Variants in PLXNB2 observed in about 807,000 individuals in gnomAD.
PLXNB2 encodes the protein plexin B2, also known as plexin-B2.
In PLXNB2, 85 loss-of-function variants were observed where a neutral mutation model predicts 202.6. That is an observed-to-expected ratio of 0.42 (90% CI 0.35 to 0.50). The LOEUF (loss-of-function observed/expected upper bound fraction) is 0.50, where lower values mean the gene tolerates loss of function less well. Among genes scored for constraint, PLXNB2 ranks in the 20% least tolerant of loss-of-function variants. The pLI is 0.02. For missense variants in PLXNB2, 2,063 were observed against 2,586.2 expected, an observed-to-expected ratio of 0.80 and a Z score of 4.39; for synonymous variants, 1,239 against 1,137.6, an observed-to-expected ratio of 1.09 and a Z score of -1.79.
In PLXNB2 at chr22:50,275,626, G is replaced by A. The variant is rs995469123; in HGVS notation, c.*78C>T. On this transcript the variant is annotated 3_prime_UTR_variant, in exon 37 of 37. Coordinates refer to ENST00000359337, the MANE Select transcript of PLXNB2 (RefSeq NM_012401.4). ...GGGGAGGGTGGGGGCCTCAGCCACA[G>A]CCACTCGGCCTCCTCCCCTGAGGGG... 2 of 1,041,142 alleles carry A rather than the reference G, an allele frequency of 1.9e-6. No individual in the cohort carries two copies. Among genetic ancestry groups the A allele is most frequent in the Admixed American group, 2.3e-5 (1 of 43,500 alleles). The allele number at this position is 1,041,142 out of a possible 1,614,324, so 64.5% of individuals were successfully genotyped here. A position where few individuals can be genotyped will look rare whatever the true frequency, so the allele number is the denominator to read the frequency against.
chr22:50,289,497 G>A lies in PLXNB2; in HGVS notation c.1068+20C>T. ...GACGCCTGCAGTCCGGGCCCTGCGAGAACACACTGAGGCCCATACCGGCGC... is the reference window on the plus strand; with the variant it reads ...GACGCCTGCAGTCCGGGCCCTGCGAAAACACACTGAGGCCCATACCGGCGC... On this transcript the variant is annotated intron_variant, in intron 3 of 36. Coordinates refer to ENST00000359337, the MANE Select transcript of PLXNB2 (RefSeq NM_012401.4). This position sits in a 1 kb window ranked among gnomAD's most constrained non-coding sequence, Gnocchi z 8.0. 6 of 1,589,116 alleles carry A rather than the reference G, an allele frequency of 3.8e-6. No homozygotes were observed. The highest frequency in any genetic ancestry group is 4.3e-6 in the Non-Finnish European group (5 of 1,166,496).
At chr22:50,306,445 T>C (rs950548475) in intron 1 of PLXNB2, among the ~76,000 whole-genome samples, 2 of 152,248 alleles carry the variant, frequency 1.3e-5, no homozygotes, top group Non-Finnish European at 2.9e-5. Context: ...GCTGTTCAGC[T>C]GTTCCGTGCC....
chr22:50,279,271 G>A lies in PLXNB2; in HGVS notation c.4390-260C>T, dbSNP rs568027669. On this transcript the variant is annotated intron_variant, in intron 27 of 36. Transcript: ENST00000359337. ...CAGGCTGTCACGCAAGCTCATGGAA[G>A]CACATGTACAGACACAGAATACACA... Among the ~76,000 whole-genome samples the A allele has an allele frequency of 8.5e-5, 13 of 152,376 alleles. No individual in the cohort carries two copies. The East Asian group carries it at 2.5e-3, about 29-fold the overall frequency.
At chr22:50,296,439 C>T (rs1436400001) in intron 1 of PLXNB2, among the ~76,000 whole-genome samples, 1 of 147,300 alleles carries the variant, frequency 6.8e-6, no homozygotes, top group Non-Finnish European at 1.5e-5. Context: ...TTACATATTG[C>T]TTGTCTAAAT....
rs757104190 is a variant in PLXNB2 at position 50,275,135 on chromosome 22, T to C, written c.*569A>G. On this transcript the variant is annotated 3_prime_UTR_variant, in exon 37 of 37. Coordinates refer to ENST00000359337, the MANE Select transcript of PLXNB2 (RefSeq NM_012401.4). ...ACCCCAGGATGTCTGGGCCCCGACG[T>C]AGGACTTGACCTACGTCTCACTTGA... is the stretch of plus-strand genomic sequence containing the variant. The C allele has an allele frequency of 2.2e-5, 6 of 275,642 alleles. No homozygotes were observed. The highest frequency in any genetic ancestry group is 4.9e-5 in the Admixed American group (1 of 20,350). 17.1% of individuals were successfully genotyped at this position (275,642 alleles called of 1,614,324 possible). A position where few individuals can be genotyped will look rare whatever the true frequency, so the allele number is the denominator to read the frequency against.
At position 50,305,433 on chromosome 22, in the gene PLXNB2, AG is replaced by A. The variant is rs550346618; in HGVS notation, c.-74+2119del. 1.3e-4 allele frequency among the ~76,000 whole-genome samples: 20 copies of A among 152,316 alleles called. No homozygotes were observed. The South Asian group carries it at 4.1e-3, about 32-fold the overall frequency. ...ACAGCATGGACCCAGAGCGCCAGGT[AG>A]CCACAGCCCTGGCCACACAGCATCG... On this transcript the variant is annotated intron_variant, in intron 1 of 36. Coordinates refer to ENST00000359337, the MANE Select transcript of PLXNB2 (RefSeq NM_012401.4).
chr22:50,283,728 A>T lies in PLXNB2; in HGVS notation c.2444T>A (p.Leu815Gln). 1.2e-6 allele frequency: 2 copies of T among 1,611,962 alleles called. No individual in the cohort carries two copies. The highest frequency in any genetic ancestry group is 1.7e-6 in the Non-Finnish European group (2 of 1,179,218). The change falls in exon 15 of 37, where the codon CTG (leucine) becomes CAG (glutamine). Residue 815 changes from leucine to glutamine, a missense_variant. By Grantham distance (113) the Leu-to-Gln change is moderately radical. Transcript: ENST00000359337. ...ITRIQPETGP[L>Q]GGGIRITILG... ...GATGGTGATGCGGATGCCCCCACCC[A>T]GGGGGCCCGTCTCAGGCTGGATCTG...
intron 1 of PLXNB2, among the ~76,000 whole-genome samples, chr22:50,296,299 C>T (rs1402721327): frequency 6.9e-6 from 1 of 144,548 alleles, no homozygotes; most frequent in East Asian, 1.9e-4. Flanking sequence ...CCTGAAGTCC[C>T]GGGTACTGAG....
At position 50,287,657 on chromosome 22, in the gene PLXNB2, C is replaced by A; in HGVS notation, c.1608+10G>T. The A allele has an allele frequency of 6.5e-7, 1 of 1,537,372 alleles. No homozygotes were observed. Among genetic ancestry groups the A allele is most frequent in the Non-Finnish European group, 8.7e-7 (1 of 1,146,110 alleles). On this transcript the variant is annotated intron_variant, in intron 7 of 36. Coordinates refer to ENST00000359337, the MANE Select transcript of PLXNB2 (RefSeq NM_012401.4). ...GGGCCCAGGACCCCCACCCCAGACC[C>A]ACCACGCACCTCCCCCTGGGCCCGC... is the stretch of plus-strand genomic sequence containing the variant.
At chr22:50,286,705 C>G (rs919194388) in intron 8 of PLXNB2, among the ~76,000 whole-genome samples, 2 of 152,190 alleles carry the variant, frequency 1.3e-5, no homozygotes, top group Non-Finnish European at 2.9e-5. Flanking sequence ...GGGACATGGG[C>G]GCGACGCCTG....
Position 50,290,197 on chromosome 22 carries a change from G to T in PLXNB2, c.388C>A (p.Leu130Ile). 6.2e-7 allele frequency: 1 copy of T among 1,612,592 alleles called. No homozygotes were observed. Among genetic ancestry groups the T allele is most frequent in the South Asian group, 1.1e-5 (1 of 91,086 alleles). The change falls in exon 3 of 37, where the codon CTC becomes ATC. Residue 130 changes from leucine to isoleucine, a missense_variant. Transcript: ENST00000359337. The part of the protein sequence containing the change: ...CALRALSNIS[L>I]RLFYEDGSGE... Reference sequence around the variant, plus strand: ...CTGCCGTCCTCGTAGAACAGGCGGAGGGAGATGTTGCTCAGGGCGCGCAGA... The same window carrying T: ...CTGCCGTCCTCGTAGAACAGGCGGATGGAGATGTTGCTCAGGGCGCGCAGA...
Position 50,282,824 on chromosome 22 carries a change from C to T in PLXNB2, c.2874G>A (p.Gln958=). The change falls in exon 18 of 37, where the codon CAG becomes CAA. Residue 958 remains glutamine (Q), a synonymous_variant. Transcript: ENST00000359337. ...CCCCGTAGGAGACCTCCAGAAGCATCTGGCCCCGTGTCGCCTGGGGGCCAG... is the reference window on the plus strand; with the variant it reads ...CCCCGTAGGAGACCTCCAGAAGCATTTGGCCCCGTGTCGCCTGGGGGCCAG... ...CVTGPQATRG[Q]MLLEVSYGGS... is the part of the protein sequence containing the mutation. The T allele has an allele frequency of 5.0e-6, 8 of 1,613,150 alleles. No homozygotes were observed. Among genetic ancestry groups the T allele is most frequent in the Non-Finnish European group, 6.8e-6 (8 of 1,179,776 alleles).
rs759088659 is a variant in PLXNB2 at position 50,283,121 on chromosome 22, G to A, written c.2745C>T (p.Ile915=). The change falls in exon 17 of 37, where the codon ATC becomes ATT. Residue 915 remains isoleucine (I), a synonymous_variant. Transcript: ENST00000359337. The part of the protein sequence containing the change: ...GPQAGGTTLT[I]HGTHLDTGSQ... The stretch of plus-strand genomic sequence containing the variant: ...AGCCCGTGTCCAGGTGGGTGCCGTG[G>A]ATGGTCAGTGTGGTGCCGCCCGCCT... 9.4e-6 allele frequency: 15 copies of A among 1,602,192 alleles called. No homozygotes were observed. The highest frequency in any genetic ancestry group is 1.3e-5 in the Non-Finnish European group (15 of 1,175,508).
intron 1 of PLXNB2, among the ~76,000 whole-genome samples, chr22:50,306,008 C>T (rs913547698): frequency 2.6e-5 from 4 of 152,232 alleles, no homozygotes; most frequent in African/African-American, 9.6e-5. Flanking sequence ...CGGACTTGCC[C>T]GTCCTCCTCC....
intron 1 of PLXNB2, among the ~76,000 whole-genome samples, chr22:50,298,835 G>A (rs112047368): frequency 0.017 from 2,559 of 152,338 alleles, 74 homozygotes; most frequent in African/African-American, 0.058. Flanking sequence ...CAGTAGAGAT[G>A]GGGCTTCACC....
At chr22:50,304,559 T>C (rs1236702140) in intron 1 of PLXNB2, among the ~76,000 whole-genome samples, 1 of 151,988 alleles carries the variant, frequency 6.6e-6, no homozygotes, top group Non-Finnish European at 1.5e-5. Context: ...TGTCAAGGGA[T>C]GTGAAACCAC....
At position 50,275,887 on chromosome 22, in the gene PLXNB2, A is replaced by T; in HGVS notation, c.5412+2T>A. The T allele has an allele frequency of 6.2e-7, 1 of 1,612,138 alleles. No homozygotes were observed. Among genetic ancestry groups the T allele is most frequent in the Non-Finnish European group, 8.5e-7 (1 of 1,179,642 alleles). The stretch of plus-strand genomic sequence containing the variant: ...CCCCCGCCCCCGGGGGCCTGACCCT[A>T]CCTCGTCATAGTACTTCTGCGTGTA... On this transcript the variant is annotated splice_donor_variant, in intron 36 of 36. Coordinates refer to ENST00000359337, the MANE Select transcript of PLXNB2 (RefSeq NM_012401.4). LOFTEE classifies it high-confidence loss of function.
rs1262645431 is a variant in PLXNB2 at position 50,287,156 on chromosome 22, T to C, written c.1717A>G (p.Ile573Val). ...GGGATGCTGCTTGGGGAGTTGCAGA[T>C]GACGGCCTCGCCCTCCACGCGGGCG... ...HPARVEGEAVICNSPSSIPVT... is the reference protein window; with the variant it reads ...HPARVEGEAVVCNSPSSIPVT... Residue 573 changes from isoleucine to valine, a missense_variant, in exon 8 of 37, where the codon ATC (isoleucine) becomes GTC (valine). By Grantham distance (29) the Ile-to-Val change is conservative. This residue lies in a region of PLXNB2 where 1,303 missense variants were observed against 1,476.8 expected (regional missense o/e 0.88). Transcript: ENST00000359337. The C allele has an allele frequency of 1.9e-6, 3 of 1,544,860 alleles. No homozygotes were observed. The highest frequency in any genetic ancestry group is 2.0e-5 in the Admixed American group (1 of 50,196).
rs139856828 is a variant in PLXNB2 at position 50,291,138 on chromosome 22, G to T, written c.-13-541C>A. Among the ~76,000 whole-genome samples the T allele has an allele frequency of 6.6e-6, 1 of 152,268 alleles. No individual in the cohort carries two copies. The highest frequency in any genetic ancestry group is 1.9e-4 in the East Asian group (1 of 5,180). ...GTGCCCTGTGCATAGCCCAGCAAGT[G>T]CACATGCTGTTTACAACTGCCCGCC... On this transcript the variant is annotated intron_variant, in intron 2 of 36. Transcript: ENST00000359337. The surrounding 1 kb of genome is among the most constrained non-coding windows in gnomAD (Gnocchi z 4.3).
Sources: allele counts gnomAD v4.1 joint callset (sites outside exome capture counted in the v4.1 genomes callset), GRCh38; gene constraint gnomAD v4.1.1; regional missense constraint gnomAD v4.1.1; non-coding constraint Gnocchi (gnomAD v3.1); transcripts MANE v1.5; gene names NCBI Gene and HGNC (gene_info 2026-07-23, HGNC 2026-07-21).